Variants in CMIP observed in about 807,000 individuals in gnomAD.
CMIP encodes C-Maf-inducing protein.
CMIP carries 13 observed loss-of-function variants against 97.3 expected under a neutral mutation model. The observed-to-expected ratio is 0.13, with a 90% CI of 0.09 to 0.21. CMIP has a LOEUF of 0.21. Ranked by LOEUF, CMIP falls within the 10% of genes least tolerant of loss-of-function variation. CMIP has a pLI of 1.00. For synonymous variants in CMIP, 538 were observed against 436.3 expected (o/e 1.23, Z -2.91); for missense variants, 847 against 1,024.9 (o/e 0.83, Z 2.37).
At chr16:81,548,040 A>G (rs55834081) in intron 1 of CMIP, among the ~76,000 whole-genome samples, 27,607 of 151,826 alleles carry the variant, frequency 0.18, 2,629 homozygotes, top group East Asian at 0.26. Flanking sequence ...AGCGGCTGGC[A>G]TTTATCTAGG....
chr16:81,508,558 G>A (rs2089752841), intron 1 of CMIP, among the ~76,000 whole-genome samples: 1 of 152,170 alleles, frequency 6.6e-6, no homozygotes. Context: ...AATGCCATGT[G>A]ATTATCCATG....
chr16:81,584,072 C>T (rs1279090807), intron 1 of CMIP, among the ~76,000 whole-genome samples: 1 of 152,144 alleles, frequency 6.6e-6, no homozygotes, highest in Non-Finnish European at 1.5e-5. Flanking sequence ...TCACTAGATT[C>T]AAGGGCTGGG....
Position 81,451,404 on chromosome 16 carries a change from T to A in CMIP, c.300+5863T>A, listed in dbSNP as rs112018903. 2.5e-3 allele frequency among the ~76,000 whole-genome samples: 386 copies of A among 152,348 alleles called. 6 individuals are homozygous for A. Among genetic ancestry groups the A allele is most frequent in the African/African-American group, 8.6e-3 (358 of 41,586 alleles). ...TGGAACTGTGAGTCCATTAAACCTC[T>A]GTCTTTTGTAAATTGCCCAGTCTCA... On this transcript the variant is annotated intron_variant, in intron 1 of 20. Transcript: ENST00000537098.
At position 81,710,871 on chromosome 16, in the gene CMIP, T is replaced by TC. The variant is rs1208147469; in HGVS notation, c.*1076dup. The TC allele has an allele frequency of 6.6e-6, 1 of 152,090 alleles. No individual in the cohort carries two copies. The highest frequency in any genetic ancestry group is 1.9e-4 in the East Asian group (1 of 5,184). The allele number at this position is 152,090 out of a possible 1,614,324, so 9.4% of individuals were successfully genotyped here. ...CTCCTGTCCCTGTCAGCCTTTGCTG[T>TC]CCCCTGTCCCCAACGGAGACTCTGT... On this transcript the variant is annotated 3_prime_UTR_variant, in exon 21 of 21. Coordinates refer to ENST00000537098, the MANE Select transcript of CMIP (RefSeq NM_198390.3).
At chr16:81,656,595 A>C (rs1017417236) in intron 4 of CMIP, among the ~76,000 whole-genome samples, 7 of 152,206 alleles carry the variant, frequency 4.6e-5, no homozygotes, top group African/African-American at 1.7e-4. Flanking sequence ...AGATGGCGGC[A>C]CAGGTCGAGC....
At chr16:81,512,165 A>C (rs2089824910) in intron 1 of CMIP, among the ~76,000 whole-genome samples, 3 of 152,186 alleles carry the variant, frequency 2.0e-5, no homozygotes, top group Non-Finnish European at 4.4e-5. Context: ...TGTGGCTTGC[A>C]TTGTATTTCT....
Position 81,494,283 on chromosome 16 carries a change from G to A in CMIP, c.300+48742G>A, listed in dbSNP as rs181713636. ...TCGGTTGCCAGCCCAGTGCTGGAGG[G>A]ACGCAGGGCAGAGCCCAGCCAGCTG... On this transcript the variant is annotated intron_variant, in intron 1 of 20. Coordinates refer to ENST00000537098, the MANE Select transcript of CMIP (RefSeq NM_198390.3). Among the ~76,000 whole-genome samples, 22 of 152,346 alleles carry A rather than the reference G, an allele frequency of 1.4e-4. 1 individual carries two copies. The highest frequency in any genetic ancestry group is 5.0e-4 in the African/African-American group (21 of 41,586).
chr16:81,453,556 T>C lies in CMIP; in HGVS notation c.300+8015T>C, dbSNP rs1489703669. Among the ~76,000 whole-genome samples, 1 of 152,168 alleles carries C rather than the reference T, an allele frequency of 6.6e-6. No individual in the cohort carries two copies. The highest frequency in any genetic ancestry group is 2.4e-5 in the African/African-American group (1 of 41,438). ...TGGCTCTCCTCCCTCGCATGTTGGC[T>C]CCCTGTGTGGACTAGGTGACCCTGT... is the stretch of plus-strand genomic sequence containing the variant. On this transcript the variant is annotated intron_variant, in intron 1 of 20. Transcript: ENST00000537098. This position sits in a 1 kb window ranked among gnomAD's most constrained non-coding sequence, Gnocchi z 4.0.
chr16:81,659,049 G>C (rs1333586400), intron 5 of CMIP, among the ~76,000 whole-genome samples: 1 of 152,210 alleles, frequency 6.6e-6, no homozygotes, highest in African/African-American at 2.4e-5. Flanking sequence ...GTTTGCTAAC[G>C]CTAACAGTAT....
intron 3 of CMIP, among the ~76,000 whole-genome samples, chr16:81,638,698 A>C (rs2092267058): frequency 6.6e-6 from 1 of 151,760 alleles, no homozygotes; most frequent in South Asian, 2.1e-4. Context: ...CCTGTTCAAA[A>C]TCTTAACTTA....
At chr16:81,581,540 A>T (rs1205992333) in intron 1 of CMIP, among the ~76,000 whole-genome samples, 1 of 152,252 alleles carries the variant, frequency 6.6e-6, no homozygotes, top group Non-Finnish European at 1.5e-5. Flanking sequence ...AATCTTATGG[A>T]ACCGCAGTCA....
chr16:81,581,021 A>ACATAG (rs1256323378), intron 1 of CMIP, among the ~76,000 whole-genome samples: 1 of 151,968 alleles, frequency 6.6e-6, no homozygotes, highest in Non-Finnish European at 1.5e-5. Flanking sequence ...GTACAATCAC[A>ACATAG]CAGTACATGG....
intron 14 of CMIP, 188 bp downstream of exon 14, chr16:81,696,855 T>A (rs1465688626): frequency 9.8e-6 from 6 of 614,114 alleles, no homozygotes; most frequent in Non-Finnish European, 1.4e-5. Flanking sequence ...ACTCATTTCT[T>A]ATCTGAGGCT....
intron 1 of CMIP, among the ~76,000 whole-genome samples, chr16:81,558,751 G>C (rs1779556075): frequency 6.6e-6 from 1 of 152,174 alleles, no homozygotes; most frequent in African/African-American, 2.4e-5. Context: ...ACCCCAGGAA[G>C]CTTTTCTTGG....
chr16:81,624,488 CAAAA>C (rs371369093), intron 3 of CMIP, among the ~76,000 whole-genome samples: 3 of 92,670 alleles, frequency 3.2e-5, no homozygotes, highest in East Asian at 2.6e-4. Flanking sequence ...GACTCCGTCT[CAAAA>C]AAAAAAAAAA....
chr16:81,651,328 CATG>C (rs1264492799), intron 3 of CMIP: 3 of 600,300 alleles, frequency 5.0e-6, no homozygotes, highest in Non-Finnish European at 6.3e-6. Context: ...CCTCCGTTTC[CATG>C]ATGTCAGAGA....
chr16:81,557,075 A>G (rs552602714), intron 1 of CMIP, among the ~76,000 whole-genome samples: 17 of 152,366 alleles, frequency 1.1e-4, no homozygotes, highest in African/African-American at 3.1e-4. Context: ...TGTGACGAAA[A>G]TGTTCCATGG....
intron 1 of CMIP, among the ~76,000 whole-genome samples, chr16:81,483,286 C>T (rs1044749761): frequency 4.0e-5 from 6 of 151,770 alleles, no homozygotes; most frequent in Non-Finnish European, 8.8e-5. Flanking sequence ...AAGGAGCCAT[C>T]CACAGCATGT....
chr16:81,667,379 G>A (rs966236649), intron 7 of CMIP: 4 of 152,214 alleles, frequency 2.6e-5, no homozygotes, highest in African/African-American at 4.8e-5. Context: ...CACGCCACTC[G>A]GAGTGTTCTT....
Sources: gnomAD v4.1 joint callset for allele counts (sites outside exome capture counted in the v4.1 genomes callset) on GRCh38, gnomAD v4.1.1 for gene constraint, Gnocchi (gnomAD v3.1) non-coding constraint, MANE v1.5 for transcripts, NCBI Gene and HGNC (gene_info 2026-07-23, HGNC 2026-07-21) for gene names.